Variants in CLDN14 observed in about 807,000 individuals in gnomAD.
The protein encoded by CLDN14 is claudin 14.
A neutral mutation model predicts 2.1 loss-of-function variants in CLDN14; 2 were observed. The ratio of observed to expected loss-of-function variants is 0.96; its 90% confidence interval spans 0.39 to 3.01. The LOEUF (loss-of-function observed/expected upper bound fraction) is 3.01, where lower values mean the gene tolerates loss of function less well. Among genes scored for constraint, CLDN14 ranks in the 30% most tolerant of loss-of-function variants. CLDN14 has a pLI of 0.09. For missense variants in CLDN14, 298 were observed against 328.0 expected, an observed-to-expected ratio of 0.91 and a Z score of 0.71; for synonymous variants, 136 against 154.4, an observed-to-expected ratio of 0.88 and a Z score of 0.88.
chr21:36,552,014 T>C (rs2087566606), intron 1 of CLDN14, among the ~76,000 whole-genome samples: 1 of 152,156 alleles, frequency 6.6e-6, no homozygotes, highest in Non-Finnish European at 1.5e-5. Context: ...CAGTAAAAAA[T>C]GGGAGAAGTG....
intron 1 of CLDN14, among the ~76,000 whole-genome samples, chr21:36,469,350 G>T (rs889589996): frequency 2.6e-5 from 4 of 151,968 alleles, no homozygotes; most frequent in Admixed American, 2.0e-4. Flanking sequence ...TTTCAGACTG[G>T]CAGGCATCTA....
intron 2 of CLDN14, among the ~76,000 whole-genome samples, chr21:36,488,522 G>A (rs908901845): frequency 2.0e-5 from 3 of 151,830 alleles, no homozygotes; most frequent in South Asian, 2.1e-4. Context: ...CACCCTCCTC[G>A]GCCTCCCAAA....
intron 1 of CLDN14, among the ~76,000 whole-genome samples, chr21:36,478,916 T>A (rs1364010872): frequency 3.9e-5 from 6 of 152,150 alleles, no homozygotes; most frequent in Admixed American, 3.9e-4. Context: ...TCAAATTGCA[T>A]GGCATTTCTC....
At position 36,523,795 on chromosome 21, in the gene CLDN14, GAA is replaced by G. The variant is rs1568868919; in HGVS notation, c.-219-13297_-219-13296del. Among the ~76,000 whole-genome samples, 164 of 113,912 alleles carry G rather than the reference GAA, an allele frequency of 1.4e-3. 22 individuals are homozygous for G. Among genetic ancestry groups the G allele is most frequent in the Middle Eastern group, 7.8e-3 (2 of 256 alleles). The allele number at this position is 113,912 out of a possible 152,430, so 74.7% of individuals were successfully genotyped here. On this transcript the variant is annotated intron_variant, in intron 1 of 2. Transcript: ENST00000342108. ...AGAGAGAAAGAGAGAAAGAAAGAAA[GAA>G]AGAAAGAAAGAAAGAAAGAAAGAAA...
At chr21:36,526,715 C>T (rs2087333409) in intron 1 of CLDN14, among the ~76,000 whole-genome samples, 1 of 152,216 alleles carries the variant, frequency 6.6e-6, no homozygotes, top group Non-Finnish European at 1.5e-5. Flanking sequence ...ACTTCACACT[C>T]CTGAGGTAGG....
intron 2 of CLDN14, among the ~76,000 whole-genome samples, chr21:36,497,940 G>A (rs2087053490): frequency 6.6e-6 from 1 of 152,106 alleles, no homozygotes; most frequent in African/African-American, 2.4e-5. Flanking sequence ...CTCAGCCACT[G>A]AAATGTGTCT....
chr21:36,519,471 G>A (rs944353499), intron 1 of CLDN14, among the ~76,000 whole-genome samples: 2 of 152,218 alleles, frequency 1.3e-5, no homozygotes, highest in South Asian at 2.1e-4. Context: ...CAGCACTTGG[G>A]AGGCTGAGGC....
upstream of CLDN14, among the ~76,000 whole-genome samples, chr21:36,482,351 T>TGGATAGACTGAC (rs2086853091): frequency 6.8e-6 from 1 of 147,650 alleles, no homozygotes; most frequent in Non-Finnish European, 1.5e-5. Context: ...GATGGATGGA[T>TGGATAGACTGAC]GGATGGATGG....
intron 2 of CLDN14, chr21:36,486,889 C>A (rs758617465): frequency 3.0e-6 from 2 of 662,116 alleles, no homozygotes; most frequent in Non-Finnish European, 5.7e-6. Context: ...GGACAGGATG[C>A]GGCCGGTGTC....
chr21:36,507,857 G>A (rs375799110), intron 2 of CLDN14, among the ~76,000 whole-genome samples: 3 of 152,228 alleles, frequency 2.0e-5, no homozygotes, highest in East Asian at 3.9e-4. Context: ...TTACAAACGG[G>A]ACACACACAT....
intron 1 of CLDN14, among the ~76,000 whole-genome samples, chr21:36,475,609 G>A (rs1393149250): frequency 6.6e-6 from 1 of 152,124 alleles, no homozygotes; most frequent in African/African-American, 2.4e-5. Flanking sequence ...GGAGTGCAGT[G>A]GCACAATCAC....
intron 1 of CLDN14, among the ~76,000 whole-genome samples, chr21:36,555,844 TGTGTGTGA>T (rs1372696476): frequency 1.3e-3 from 90 of 70,898 alleles, no homozygotes; most frequent in African/African-American, 3.4e-3. Flanking sequence ...TGTGTGTGTG[TGTGTGTGA>T]GAGAGAGAGA....
At chr21:36,469,314 CTT>C (rs10563479) in intron 1 of CLDN14, among the ~76,000 whole-genome samples, 53,867 of 151,838 alleles carry the variant, frequency 0.35, 10,341 homozygotes, top group African/African-American at 0.51. Context: ...CTATTCCAAA[CTT>C]TCTGTAACTT....
At chr21:36,507,355 C>A (rs2087142476) in intron 2 of CLDN14, among the ~76,000 whole-genome samples, 1 of 152,164 alleles carries the variant, frequency 6.6e-6, no homozygotes, top group Admixed American at 6.5e-5. Context: ...GGACCCAAGG[C>A]TTCCAGGGAT....
intron 1 of CLDN14, among the ~76,000 whole-genome samples, chr21:36,555,836 TGTGTGTGTGTGTGTGA>T (rs562655088): frequency 2.1e-4 from 27 of 130,338 alleles, no homozygotes; most frequent in African/African-American, 7.9e-4. Flanking sequence ...TGTGTGTGTG[TGTGTGTGTGTGTGTGA>T]GAGAGAGAGA....
rs2087060205 is a variant in CLDN14, at chr21:36,498,452, C to A, written c.-82+11911G>T. ...TTGTCTGGATTTAGCTGTGAAAGAC[C>A]AGTAGACCAACTGGTGGGAAAAATA... is the stretch of plus-strand genomic sequence containing the variant. On this transcript the variant is annotated intron_variant, in intron 2 of 2. Coordinates refer to the CLDN14 transcript ENST00000342108. This position sits in a 1 kb window ranked among gnomAD's most constrained non-coding sequence, Gnocchi z 4.9. Among the ~76,000 whole-genome samples the A allele has an allele frequency of 6.6e-6, 1 of 152,262 alleles. No individual in the cohort carries two copies. The highest frequency in any genetic ancestry group is 3.4e-3 in the Middle Eastern group (1 of 294).
chr21:36,510,931 C>A (rs1408222593), intron 1 of CLDN14, among the ~76,000 whole-genome samples: 1 of 152,206 alleles, frequency 6.6e-6, no homozygotes, highest in African/African-American at 2.4e-5. Flanking sequence ...TATTAAGAAC[C>A]CTCTTAACCC....
chr21:36,501,086 A>G (rs2087088310), intron 2 of CLDN14, among the ~76,000 whole-genome samples: 1 of 152,198 alleles, frequency 6.6e-6, no homozygotes, highest in South Asian at 2.1e-4. Flanking sequence ...CTGCCTGGCT[A>G]ATGGCCTGCC....
chr21:36,467,260 T>C (rs1030290741), intron 1 of CLDN14, among the ~76,000 whole-genome samples: 1 of 152,170 alleles, frequency 6.6e-6, no homozygotes, highest in Non-Finnish European at 1.5e-5. Flanking sequence ...TTTGCTCACC[T>C]CCTGGCCCAC....
Sources: gnomAD v4.1 joint callset for allele counts (sites outside exome capture counted in the v4.1 genomes callset) on GRCh38, gnomAD v4.1.1 for gene constraint, Gnocchi (gnomAD v3.1) non-coding constraint, MANE v1.5 for transcripts, NCBI Gene and HGNC (gene_info 2026-07-23, HGNC 2026-07-21) for gene names.